The following CRACR2A variants were observed in gnomAD, a reference collection of about 807,000 sequenced individuals.
The protein encoded by CRACR2A is calcium release activated channel regulator 2A.
Under a neutral mutation model 90.5 loss-of-function variants are expected in CRACR2A, and 79 were observed. The ratio of observed to expected loss-of-function variants is 0.87; its 90% CI spans 0.73 to 1.05. CRACR2A has a LOEUF of 1.05. Ranked by LOEUF, CRACR2A falls within the 50% of genes least tolerant of loss-of-function variation. The pLI, the probability that CRACR2A is intolerant of heterozygous loss-of-function variation, is 0.00. For synonymous variants in CRACR2A, 338 were observed against 356.7 expected (o/e 0.95, Z 0.59); for missense variants, 823 against 897.2 (o/e 0.92, Z 1.06).
At chr12:3,616,206 AGAG>A (rs1867678738) in intron 19 of CRACR2A, among the ~76,000 whole-genome samples, 1 of 152,242 alleles carries the variant, frequency 6.6e-6, no homozygotes, top group African/African-American at 2.4e-5. Flanking sequence ...GCCAATGCAT[AGAG>A]GAGTTGTTCT....
rs966736873 is a variant in CRACR2A at position 3,720,106 on chromosome 12, C to T, written c.-117-6789G>A. Among the ~76,000 whole-genome samples, 5 of 140,254 alleles carry T rather than the reference C, an allele frequency of 3.6e-5. No homozygotes were observed. In the South Asian group the frequency reaches 1.2e-3, roughly 33 times the overall value. The allele number at this position is 140,254 out of a possible 152,430, so 92.0% of individuals were successfully genotyped here. A position where few individuals can be genotyped will look rare whatever the true frequency, so the allele number is the denominator to read the frequency against. ...TGCAATGCAGTCTAGGCAAGAATAG[C>T]GAAACTCTATCTCAAGAAAGAAAGA... On this transcript the variant is annotated intron_variant, in intron 2 of 19. Coordinates refer to ENST00000440314, the MANE Select transcript of CRACR2A (RefSeq NM_001144958.2).
chr12:3,654,064 A>G (rs1944849979), intron 10 of CRACR2A, 148 bp downstream of exon 10: 1 of 795,872 alleles, frequency 1.3e-6, no homozygotes. Context: ...AGAATCCTAG[A>G]GGAGTGTTAG....
chr12:3,681,137 G>A (rs1316476849), intron 4 of CRACR2A, among the ~76,000 whole-genome samples: 1 of 152,198 alleles, frequency 6.6e-6, no homozygotes, highest in African/African-American at 2.4e-5. Context: ...GTAAGTGTCT[G>A]TGGACACACA....
chr12:3,653,183 G>A (rs6489491), intron 10 of CRACR2A, among the ~76,000 whole-genome samples: 116,765 of 152,046 alleles, frequency 0.77, 45,099 homozygotes, highest in East Asian at 0.99. Flanking sequence ...GGGTTTCACC[G>A]TGTTGGTCAG....
intron 1 of CRACR2A, among the ~76,000 whole-genome samples, chr12:3,750,636 T>C (rs940893007): frequency 6.6e-6 from 1 of 152,204 alleles, no homozygotes; most frequent in Non-Finnish European, 1.5e-5. Flanking sequence ...CCTCTGTGCA[T>C]TGCAACAAAA....
In CRACR2A at chr12:3,680,317, C is replaced by T. The variant is rs768930885; in HGVS notation, c.261G>A (p.Glu87=). The change falls in exon 5 of 20, where the codon GAG becomes GAA. Residue 87 remains glutamate (E), a synonymous_variant. Transcript: ENST00000440314. ...RLHKELPLSL[E]ELEDVFDALD... ...GGGCATCAAACACATCCTCCAGTTC[C>T]TCCAGGCTGAGCGGTAGCTCCTTAT... is the stretch of plus-strand genomic sequence containing the variant. 9.9e-6 allele frequency: 16 copies of T among 1,614,080 alleles called. No homozygotes were observed. The highest frequency in any genetic ancestry group is 1.2e-5 in the Non-Finnish European group (14 of 1,180,018).
At chr12:3,736,635 G>T (rs1390708359) in intron 1 of CRACR2A, among the ~76,000 whole-genome samples, 1 of 152,070 alleles carries the variant, frequency 6.6e-6, no homozygotes, top group Non-Finnish European at 1.5e-5. Context: ...AAAAACTGAG[G>T]GCTGGAATCA....
At chr12:3,680,601 T>C (rs950090230) in intron 4 of CRACR2A, among the ~76,000 whole-genome samples, 1 of 152,260 alleles carries the variant, frequency 6.6e-6, no homozygotes, top group Admixed American at 6.5e-5. Context: ...AACAAATATG[T>C]AAATATGCAT....
At chr12:3,666,114 A>G (rs1218232580) in intron 7 of CRACR2A, among the ~76,000 whole-genome samples, 1 of 152,010 alleles carries the variant, frequency 6.6e-6, no homozygotes, top group Non-Finnish European at 1.5e-5. Flanking sequence ...ATCAGGGGAA[A>G]AGCTAAGAAG....
intron 10 of CRACR2A, among the ~76,000 whole-genome samples, chr12:3,651,731 C>A (rs1944798088): frequency 6.6e-6 from 1 of 152,136 alleles, no homozygotes; most frequent in African/African-American, 2.4e-5. Flanking sequence ...GCAGCAAGAC[C>A]CTGTCAGAGA....
chr12:3,752,322 ACT>A (rs1313864369), intron 1 of CRACR2A, among the ~76,000 whole-genome samples: 1 of 147,710 alleles, frequency 6.8e-6, no homozygotes, highest in Non-Finnish European at 1.5e-5. Context: ...ACAGACACAC[ACT>A]CGCACACACA....
intron 1 of CRACR2A, among the ~76,000 whole-genome samples, chr12:3,748,624 G>C (rs538460386): frequency 6.6e-6 from 1 of 152,328 alleles, no homozygotes; most frequent in African/African-American, 2.4e-5. Flanking sequence ...TGAGGTCCTA[G>C]AGGAACCCGT....
intron 11 of CRACR2A, among the ~76,000 whole-genome samples, chr12:3,646,769 G>A (rs1944694002): frequency 6.6e-6 from 1 of 152,128 alleles, no homozygotes; most frequent in African/African-American, 2.4e-5. Context: ...CCGTTTTTTG[G>A]AAAGCAGGCT....
chr12:3,621,680 A>AACAAAAAAAAC (rs1944142190), intron 17 of CRACR2A, among the ~76,000 whole-genome samples: 1 of 141,968 alleles, frequency 7.0e-6, no homozygotes, highest in East Asian at 2.0e-4. Flanking sequence ...AAAAAAAAAA[A>AACAAAAAAAAC]ACCAAAGCAA....
chr12:3,680,463 A>G (rs1181873068), intron 4 of CRACR2A, 114 bp from the exon 5 acceptor site: 1 of 788,766 alleles, frequency 1.3e-6, no homozygotes, highest in Non-Finnish European at 2.1e-6. Flanking sequence ...CAGTCCTACA[A>G]AAGCCAGTAG....
chr12:3,749,498 C>CCTT (rs1204916510), intron 1 of CRACR2A, among the ~76,000 whole-genome samples: 1 of 152,180 alleles, frequency 6.6e-6, no homozygotes, highest in Admixed American at 6.5e-5. Flanking sequence ...TTCCTCTTTT[C>CCTT]CTTCTTCTCT....
chr12:3,622,350 C>A (rs781604117), intron 17 of CRACR2A, among the ~76,000 whole-genome samples: 23 of 152,192 alleles, frequency 1.5e-4, no homozygotes, highest in Non-Finnish European at 2.9e-4. Flanking sequence ...CTGTCACCAT[C>A]TCTCCATGTG....
chr12:3,691,727 T>C (rs1259616787), intron 4 of CRACR2A, among the ~76,000 whole-genome samples: 5 of 152,252 alleles, frequency 3.3e-5, no homozygotes, highest in African/African-American at 1.2e-4. Flanking sequence ...ATGGATGATA[T>C]CCTGAAATAT....
At chr12:3,624,161 G>A (rs1199461227) in intron 17 of CRACR2A, among the ~76,000 whole-genome samples, 2 of 152,192 alleles carry the variant, frequency 1.3e-5, no homozygotes, top group African/African-American at 4.8e-5. Flanking sequence ...ATGCAGGCAT[G>A]TACAGCAACT....
Sources: gnomAD v4.1 joint callset for allele counts (sites outside exome capture counted in the v4.1 genomes callset) on GRCh38, gnomAD v4.1.1 for gene constraint, MANE v1.5 for transcripts, NCBI Gene and HGNC (gene_info 2026-07-23, HGNC 2026-07-21) for gene names.